Variants in MMP20 observed in about 807,000 individuals in gnomAD.
MMP20 encodes matrix metalloproteinase-20.
Under a neutral mutation model 51.8 loss-of-function variants are expected in MMP20, and 50 were observed. That is an observed-to-expected ratio of 0.97 (90% CI 0.77 to 1.22). The LOEUF is 1.22. Among genes scored for constraint, MMP20 ranks in the 50% most tolerant of loss-of-function variants. The probability of loss-of-function intolerance (pLI) is 0.00; values close to 1 mark genes in which losing one functional copy is unlikely to be tolerated. For synonymous variants in MMP20, 244 were observed against 216.2 expected (o/e 1.13, Z -1.13); for missense variants, 663 against 601.4 (o/e 1.10, Z -1.07).
intron 5 of MMP20, 195 bp from the exon 6 acceptor site, chr11:102,606,871 A>G (rs184690824): frequency 2.3e-5 from 14 of 621,536 alleles, no homozygotes; most frequent in Admixed American, 4.9e-5. Flanking sequence ...ACATTATTCA[A>G]CTTTGCAAGC....
At position 102,579,023 on chromosome 11, in the gene MMP20, C is replaced by A. The variant is rs747891228; in HGVS notation, c.1351+16G>T. On this transcript the variant is annotated intron_variant, in intron 9 of 9. Transcript: ENST00000260228. ...TGATAGTTTTCATGAAGAAAGTTTT[C>A]AGTGGAAACACTTACCATTTAATTC... 8.3e-6 allele frequency: 13 copies of A among 1,566,236 alleles called. No homozygotes were observed. The African/African-American group carries it at 1.8e-4, about 21-fold the overall frequency.
intron 6 of MMP20, among the ~76,000 whole-genome samples, chr11:102,598,722 C>T (rs1234806216): frequency 6.6e-6 from 1 of 152,142 alleles, no homozygotes; most frequent in Non-Finnish European, 1.5e-5. Context: ...ATCTTTTTAT[C>T]CTTGGGCTTA....
intron 6 of MMP20, among the ~76,000 whole-genome samples, chr11:102,599,759 C>A (rs565516767): frequency 6.6e-6 from 1 of 152,174 alleles, no homozygotes; most frequent in Non-Finnish European, 1.5e-5. Flanking sequence ...GACTCATTAA[C>A]CAGGGCTGCT....
intron 8 of MMP20, among the ~76,000 whole-genome samples, 172 bp downstream of exon 8, chr11:102,593,267 T>A (rs1372626521): frequency 6.6e-6 from 1 of 152,246 alleles, no homozygotes; most frequent in Non-Finnish European, 1.5e-5. Flanking sequence ...ATCATTTTGA[T>A]GGTTCCATAT....
intron 1 of MMP20, among the ~76,000 whole-genome samples, chr11:102,619,624 A>G (rs576172478): frequency 6.6e-6 from 1 of 152,340 alleles, no homozygotes; most frequent in East Asian, 1.9e-4. Context: ...CAAAATTTTA[A>G]ATACAGGATG....
chr11:102,587,838 A>G (rs1859271817), intron 8 of MMP20, among the ~76,000 whole-genome samples: 1 of 152,196 alleles, frequency 6.6e-6, no homozygotes, highest in East Asian at 1.9e-4. Flanking sequence ...GTATCTTTGA[A>G]CCTAAAATGT....
intron 8 of MMP20, among the ~76,000 whole-genome samples, chr11:102,581,572 T>A (rs975406938): frequency 6.6e-6 from 1 of 152,044 alleles, no homozygotes; most frequent in Non-Finnish European, 1.5e-5. Flanking sequence ...CAATAATAAA[T>A]AAATGATGAA....
At chr11:102,590,832 T>G (rs915025234) in intron 8 of MMP20, among the ~76,000 whole-genome samples, 31 of 152,072 alleles carry the variant, frequency 2.0e-4, no homozygotes, top group African/African-American at 6.8e-4. Flanking sequence ...CCTTCTACAG[T>G]AGGGACATAA....
chr11:102,577,046 A>G lies in MMP20; in HGVS notation c.*280T>C. ...ATCAAACGGATCAATCTGCTTCAGT[A>G]TATTAGGTAAGAAAAAATAATGGTG... is the stretch of plus-strand genomic sequence containing the variant. On this transcript the variant is annotated 3_prime_UTR_variant, in exon 10 of 10. Coordinates refer to ENST00000260228, the MANE Select transcript of MMP20 (RefSeq NM_004771.4). The G allele has an allele frequency of 2.5e-6, 1 of 397,514 alleles. No homozygotes were observed. Among genetic ancestry groups the G allele is most frequent in the South Asian group, 2.3e-5 (1 of 43,324 alleles). 24.6% of individuals were successfully genotyped at this position (397,514 alleles called of 1,614,324 possible).
chr11:102,594,252 T>C (rs1309200357), intron 7 of MMP20, among the ~76,000 whole-genome samples: 4 of 152,140 alleles, frequency 2.6e-5, no homozygotes, highest in Admixed American at 2.6e-4. Context: ...AGTAAGGGTA[T>C]TGTTTACCTC....
At chr11:102,613,929 T>C (rs1363801467) in intron 2 of MMP20, among the ~76,000 whole-genome samples, 1 of 152,212 alleles carries the variant, frequency 6.6e-6, no homozygotes, top group African/African-American at 2.4e-5. Flanking sequence ...TTGAGCTGAC[T>C]TTGTGTGTTG....
chr11:102,624,881 A>G (rs1182396098), intron 1 of MMP20, among the ~76,000 whole-genome samples: 1 of 152,100 alleles, frequency 6.6e-6, no homozygotes, highest in African/African-American at 2.4e-5. Flanking sequence ...TTTTCCTCCT[A>G]CATCATTCCC....
intron 3 of MMP20, among the ~76,000 whole-genome samples, 173 bp downstream of exon 3, chr11:102,611,582 G>C (rs1206546651): frequency 6.6e-6 from 1 of 152,204 alleles, no homozygotes; most frequent in African/African-American, 2.4e-5. Context: ...GAACTCCTTT[G>C]GTTCTATTTT....
chr11:102,601,836 A>C (rs1291611683), intron 6 of MMP20, among the ~76,000 whole-genome samples: 2 of 152,116 alleles, frequency 1.3e-5, no homozygotes, highest in Non-Finnish European at 2.9e-5. Context: ...CTTCTCACCA[A>C]ATTAGTGTCC....
intron 6 of MMP20, among the ~76,000 whole-genome samples, chr11:102,595,258 A>G (rs185168242): frequency 2.6e-4 from 39 of 152,168 alleles, no homozygotes; most frequent in Admixed American, 2.4e-3. Context: ...GAAAAACACA[A>G]CTTTTTGGAC....
chr11:102,592,937 T>C (rs571794951), intron 8 of MMP20, among the ~76,000 whole-genome samples: 24 of 152,338 alleles, frequency 1.6e-4, no homozygotes, highest in East Asian at 5.8e-4. Context: ...TGTTTTCCTT[T>C]GGATAAGAAG....
intron 9 of MMP20, among the ~76,000 whole-genome samples, chr11:102,578,310 AC>A (rs139008575): frequency 0.25 from 37,222 of 151,756 alleles, 4,722 homozygotes; most frequent in East Asian, 0.29. Context: ...TTCTCAGCTA[AC>A]TTTTTTGTAG....
At chr11:102,606,157 A>G (rs537788015) in intron 6 of MMP20, among the ~76,000 whole-genome samples, 1 of 152,342 alleles carries the variant, frequency 6.6e-6, no homozygotes, top group South Asian at 2.1e-4. Flanking sequence ...AACAAAATGG[A>G]CATCAGATCA....
At position 102,610,023 on chromosome 11, in the gene MMP20, C is replaced by A; in HGVS notation, c.531G>T (p.Gly177=). ...IMISFENGDH[G]DSYPFDGPRG... ...GAGGCCCATCGAATGGATAGGAATCCCCGTGATCTAAACAAGTGGGGAGAA... is the reference window on the plus strand; with the variant it reads ...GAGGCCCATCGAATGGATAGGAATCACCGTGATCTAAACAAGTGGGGAGAA... The change falls in exon 4 of 10, where the codon GGG becomes GGT. Residue 177 remains glycine, a synonymous_variant. Transcript: ENST00000260228. 6.2e-7 allele frequency: 1 copy of A among 1,613,894 alleles called. No individual in the cohort carries two copies. Among genetic ancestry groups the A allele is most frequent in the East Asian group, 2.2e-5 (1 of 44,882 alleles).
Sources: gnomAD v4.1 joint callset for allele counts (sites outside exome capture counted in the v4.1 genomes callset) on GRCh38, gnomAD v4.1.1 for gene constraint, MANE v1.5 for transcripts, NCBI Gene and HGNC (gene_info 2026-07-23, HGNC 2026-07-21) for gene names.